The following THSD7B variants were observed in gnomAD, a reference collection of about 807,000 sequenced individuals.
THSD7B encodes the protein thrombospondin type-1 domain-containing protein 7B.
Under a neutral mutation model 213.6 loss-of-function variants are expected in THSD7B, and 138 were observed. The ratio of observed to expected loss-of-function variants is 0.65; its 90% CI spans 0.56 to 0.74. THSD7B has a LOEUF of 0.74. THSD7B is among the 30% of genes least tolerant of loss of function. The pLI, the probability that THSD7B is intolerant of heterozygous loss-of-function variation, is 0.00. For missense variants in THSD7B, 1,931 were observed against 1,991.5 expected, an observed-to-expected ratio of 0.97 and a Z score of 0.58; for synonymous variants, 742 against 687.0, an observed-to-expected ratio of 1.08 and a Z score of -1.25.
At chr2:137,271,194 A>G (rs1682723693) in intron 10 of THSD7B, among the ~76,000 whole-genome samples, 1 of 151,116 alleles carries the variant, frequency 6.6e-6, no homozygotes, top group African/African-American at 2.4e-5. Context: ...TCCATTCTTT[A>G]TAACCCTCAC....
chr2:137,109,098 T>C (rs1688303012), intron 4 of THSD7B, among the ~76,000 whole-genome samples: 1 of 152,156 alleles, frequency 6.6e-6, no homozygotes, highest in African/African-American at 2.4e-5. Flanking sequence ...TGCCCTACAT[T>C]CACTATGACT....
intron 12 of THSD7B, among the ~76,000 whole-genome samples, chr2:137,382,474 C>T (rs531911393): frequency 2.5e-4 from 38 of 152,304 alleles, no homozygotes; most frequent in African/African-American, 7.2e-4. Flanking sequence ...CACTTGAGAA[C>T]GCCAGTAGGT....
At chr2:137,551,002 T>G (rs1013649768) in intron 15 of THSD7B, among the ~76,000 whole-genome samples, 5 of 151,210 alleles carry the variant, frequency 3.3e-5, no homozygotes, top group Admixed American at 6.6e-5. Flanking sequence ...AGTTAAAATA[T>G]TAAAATAAAT....
intron 1 of THSD7B, among the ~76,000 whole-genome samples, chr2:136,778,226 C>A (rs1486603284): frequency 2.0e-5 from 3 of 152,152 alleles, no homozygotes; most frequent in Admixed American, 1.3e-4. Context: ...GTCATTAGAT[C>A]CACATGGTCT....
chr2:137,672,654 A>T (rs1683602454), intron 27 of THSD7B, among the ~76,000 whole-genome samples: 3 of 152,180 alleles, frequency 2.0e-5, no homozygotes, highest in Non-Finnish European at 4.4e-5. Flanking sequence ...AGTTTTAGAG[A>T]TTTTATATTT....
At chr2:137,184,191 G>C (rs1018482776) in intron 7 of THSD7B, among the ~76,000 whole-genome samples, 2 of 152,126 alleles carry the variant, frequency 1.3e-5, no homozygotes, top group South Asian at 4.1e-4. Context: ...AAGGGACACT[G>C]TGTCCTCGTA....
chr2:136,807,599 C>T (rs950393003), intron 1 of THSD7B, among the ~76,000 whole-genome samples: 12 of 146,324 alleles, frequency 8.2e-5, no homozygotes, highest in South Asian at 2.2e-4. Flanking sequence ...CTCTGCCTCC[C>T]GGGTTCACGC....
chr2:136,906,475 T>C (rs1328839383), intron 2 of THSD7B: 3 of 152,110 alleles, frequency 2.0e-5, no homozygotes, highest in South Asian at 2.1e-4. Context: ...AAAGCACTTA[T>C]TGGAGAGGGG....
At chr2:137,094,446 CT>C (rs1688002763) in intron 3 of THSD7B, among the ~76,000 whole-genome samples, 1 of 152,046 alleles carries the variant, frequency 6.6e-6, no homozygotes, top group Admixed American at 6.6e-5. Flanking sequence ...TGGTGTGTTT[CT>C]GTAGTCTCAG....
chr2:136,799,501 T>TATAA (rs1682135891), intron 1 of THSD7B, among the ~76,000 whole-genome samples: 1 of 151,998 alleles, frequency 6.6e-6, no homozygotes. Context: ...GTCTATACTT[T>TATAA]AATTCAGGTC....
chr2:137,628,342 A>G (rs372072069), intron 20 of THSD7B, among the ~76,000 whole-genome samples: 21 of 152,350 alleles, frequency 1.4e-4, no homozygotes, highest in African/African-American at 4.6e-4. Context: ...GTGTTTTTAT[A>G]TTGACATATA....
chr2:137,283,061 T>A (rs987152758), intron 12 of THSD7B, among the ~76,000 whole-genome samples: 1 of 152,224 alleles, frequency 6.6e-6, no homozygotes, highest in African/African-American at 2.4e-5. Flanking sequence ...TTCCATTTGT[T>A]TGTAGCCTCT....
chr2:136,893,590 C>T (rs1230006674), intron 2 of THSD7B, among the ~76,000 whole-genome samples: 2 of 152,090 alleles, frequency 1.3e-5, no homozygotes, highest in Non-Finnish European at 2.9e-5. Flanking sequence ...ACAAAGGAAC[C>T]TTAAAAGCTT....
intron 21 of THSD7B, among the ~76,000 whole-genome samples, chr2:137,643,626 T>C (rs954046508): frequency 6.6e-6 from 1 of 152,228 alleles, no homozygotes; most frequent in Non-Finnish European, 1.5e-5. Context: ...TATTCAGCAA[T>C]ATTTAAATGT....
chr2:137,076,619 C>T (rs1278526664), intron 3 of THSD7B, among the ~76,000 whole-genome samples: 3 of 152,208 alleles, frequency 2.0e-5, no homozygotes, highest in Admixed American at 6.5e-5. Context: ...TCTGGCACTG[C>T]CCAGTGAGAT....
At chr2:137,655,018 G>A (rs1469927810) in intron 21 of THSD7B, among the ~76,000 whole-genome samples, 1 of 152,162 alleles carries the variant, frequency 6.6e-6, no homozygotes, top group East Asian at 1.9e-4. Context: ...AAGGCATGCT[G>A]TGAAAACAAA....
rs539815320 is a variant in THSD7B at position 137,645,779 on chromosome 2, G to A, written c.3945+3146G>A. 8.0e-4 allele frequency among the ~76,000 whole-genome samples: 121 copies of A among 151,810 alleles called. 1 individual carries two copies. The highest frequency in any genetic ancestry group is 2.8e-3 in the African/African-American group (114 of 41,412). On this transcript the variant is annotated intron_variant, in intron 21 of 27. Transcript: ENST00000409968. ...CATGTATGTTACAGTATCTTTAAAC[G>A]CTTCTTTCCAGGTACACAAAGTCTA...
rs149977455 is a variant in THSD7B, at chr2:136,973,860, C to T, written c.140-82560C>T. Among the ~76,000 whole-genome samples, 47 of 152,278 alleles carry T rather than the reference C, an allele frequency of 3.1e-4. 1 individual carries two copies. The East Asian group carries it at 8.9e-3, about 29-fold the overall frequency. ...TGATGAAAGTAGATGTTTTATTCCT[C>T]ACTGATTTGTGTTAATTTGAGACAC... On this transcript the variant is annotated intron_variant, in intron 2 of 27. Coordinates refer to ENST00000409968, the MANE Select transcript of THSD7B (RefSeq NM_001316349.2).
At chr2:137,557,843 G>C (rs1681013352) in intron 15 of THSD7B, among the ~76,000 whole-genome samples, 1 of 152,110 alleles carries the variant, frequency 6.6e-6, no homozygotes, top group South Asian at 2.1e-4. Flanking sequence ...AGAAAACAGA[G>C]AAGAATCAAA....
Sources: gnomAD v4.1 joint callset for allele counts (sites outside exome capture counted in the v4.1 genomes callset) on GRCh38, gnomAD v4.1.1 for gene constraint, MANE v1.5 for transcripts, NCBI Gene and HGNC (gene_info 2026-07-23, HGNC 2026-07-21) for gene names.